Variants in NRG1 observed in about 807,000 individuals in gnomAD.
NRG1 encodes neuregulin 1.
A neutral mutation model predicts 63.8 loss-of-function variants in NRG1; 18 were observed. The observed-to-expected ratio is 0.28, with a 90% confidence interval of 0.19 to 0.42. The LOEUF (loss-of-function observed/expected upper bound fraction) is 0.42, where lower values mean the gene tolerates loss of function less well. NRG1 is among the 10% of genes least tolerant of loss of function. The probability of loss-of-function intolerance (pLI) is 1.00; values close to 1 mark genes in which losing one functional copy is unlikely to be tolerated. For missense variants in NRG1, 762 were observed against 814.7 expected (o/e 0.94, Z 0.79); for synonymous variants, 302 against 301.3 (o/e 1.00, Z -0.02).
chr8:31,660,277 G>C (rs945435879), intron 1 of NRG1, among the ~76,000 whole-genome samples: 1 of 143,810 alleles, frequency 7.0e-6, no homozygotes, highest in African/African-American at 2.5e-5. Context: ...TTATGATACA[G>C]CTGGGGAGAA....
At chr8:32,720,812 G>GA (rs938914402) in intron 5 of NRG1, among the ~76,000 whole-genome samples, 8 of 151,600 alleles carry the variant, frequency 5.3e-5, no homozygotes, top group African/African-American at 1.5e-4. Context: ...GAAAAAAACA[G>GA]AAAAAAAACA....
chr8:32,606,046 A>G (rs1345806120), intron 3 of NRG1, among the ~76,000 whole-genome samples: 2 of 151,220 alleles, frequency 1.3e-5, no homozygotes, highest in Non-Finnish European at 2.9e-5. Flanking sequence ...TATACAGGAT[A>G]TATATACACA....
At chr8:32,055,683 T>A in intron 1 of NRG1, among the ~76,000 whole-genome samples, 1 of 151,692 alleles carries the variant, frequency 6.6e-6, no homozygotes, top group East Asian at 2.0e-4. Flanking sequence ...TTTTTTTTTT[T>A]TTTGCTTTCA....
chr8:32,481,098 C>CTT (rs1447815681), intron 1 of NRG1, among the ~76,000 whole-genome samples: 23 of 152,150 alleles, frequency 1.5e-4, no homozygotes, highest in Non-Finnish European at 1.5e-5. Context: ...AATCCAAGCA[C>CTT]TTTGGGAGGC....
intron 1 of NRG1, among the ~76,000 whole-genome samples, chr8:32,417,490 C>T (rs1009453748): frequency 1.3e-5 from 2 of 152,074 alleles, no homozygotes; most frequent in African/African-American, 2.4e-5. Flanking sequence ...AGAAGTGAGA[C>T]TTGGGAGACC....
At chr8:31,909,401 C>A (rs938750041) in intron 1 of NRG1, among the ~76,000 whole-genome samples, 1 of 151,966 alleles carries the variant, frequency 6.6e-6, no homozygotes, top group Non-Finnish European at 1.5e-5. Flanking sequence ...TGACCAGACC[C>A]CTGGCTTAAT....
chr8:32,170,210 T>A (rs74442061), intron 1 of NRG1, among the ~76,000 whole-genome samples: 1,859 of 152,260 alleles, frequency 0.012, 46 homozygotes, highest in African/African-American at 0.042. Flanking sequence ...TCTGTGATAC[T>A]CTGTTACACA....
At chr8:32,175,469 A>T (rs1259324644) in intron 1 of NRG1, among the ~76,000 whole-genome samples, 1 of 152,186 alleles carries the variant, frequency 6.6e-6, no homozygotes, top group African/African-American at 2.4e-5. Context: ...ATAGTGTTGG[A>T]AGTTTTGGCC....
At chr8:32,230,541 A>T (rs1376181610) in intron 1 of NRG1, among the ~76,000 whole-genome samples, 1 of 152,162 alleles carries the variant, frequency 6.6e-6, no homozygotes, top group Non-Finnish European at 1.5e-5. Flanking sequence ...GTGGAAAGTG[A>T]CTAAAACATT....
At chr8:32,221,752 C>T (rs755349959) in intron 1 of NRG1, among the ~76,000 whole-genome samples, 3 of 151,850 alleles carry the variant, frequency 2.0e-5, no homozygotes, top group Admixed American at 6.6e-5. Flanking sequence ...GACTAAATGT[C>T]GAGCCCGTGA....
At chr8:32,018,076 A>G (rs992433683) in intron 1 of NRG1, among the ~76,000 whole-genome samples, 2 of 152,164 alleles carry the variant, frequency 1.3e-5, no homozygotes, top group Non-Finnish European at 2.9e-5. Flanking sequence ...AACCCTAAGA[A>G]TTTTAGGATT....
chr8:31,924,815 T>C (rs533227778), intron 1 of NRG1, among the ~76,000 whole-genome samples: 7 of 152,098 alleles, frequency 4.6e-5, no homozygotes, highest in Admixed American at 2.0e-4. Context: ...TATTATTTAA[T>C]TCAAAATATA....
intron 1 of NRG1, among the ~76,000 whole-genome samples, chr8:32,008,249 C>T (rs954093883): frequency 1.3e-5 from 2 of 151,842 alleles, no homozygotes; most frequent in African/African-American, 4.8e-5. Flanking sequence ...GATTGCATGA[C>T]TTTATTGAAG....
chr8:32,059,381 G>A (rs1230835222), intron 1 of NRG1, among the ~76,000 whole-genome samples: 1 of 151,792 alleles, frequency 6.6e-6, no homozygotes, highest in African/African-American at 2.4e-5. Context: ...TCCTAAGTTT[G>A]GTGTTATTGG....
At chr8:32,298,714 CAA>C (rs760147959) in intron 1 of NRG1, among the ~76,000 whole-genome samples, 1 of 90,956 alleles carries the variant, frequency 1.1e-5, no homozygotes, top group Non-Finnish European at 2.2e-5. Context: ...AACTCAGTCT[CAA>C]AAAAAAAAAA....
chr8:32,241,258 C>T (rs557318673), intron 1 of NRG1, among the ~76,000 whole-genome samples: 2 of 152,294 alleles, frequency 1.3e-5, no homozygotes, highest in South Asian at 4.1e-4. Context: ...CATAGAACAT[C>T]TGAGAGTCAC....
chr8:32,742,787 C>T lies in NRG1; in HGVS notation c.691+54C>T, dbSNP rs1826661420. 2 of 1,613,218 alleles carry T rather than the reference C, an allele frequency of 1.2e-6. No homozygotes were observed. Among genetic ancestry groups the T allele is most frequent in the Middle Eastern group, 1.6e-4 (1 of 6,074 alleles). On this transcript the variant is annotated intron_variant, in intron 7 of 11. Transcript: ENST00000356819. The surrounding 1 kb of genome is among the most constrained non-coding windows in gnomAD (Gnocchi z 4.2). Reference sequence around the variant, plus strand: ...TGAATAGGAGCATGCTCAGTTGGTGCTGCTTTCTTGTTGCTGCATCTCCCC... The same window carrying T: ...TGAATAGGAGCATGCTCAGTTGGTGTTGCTTTCTTGTTGCTGCATCTCCCC...
chr8:32,421,786 A>T (rs1766110123), intron 1 of NRG1, among the ~76,000 whole-genome samples: 1 of 152,204 alleles, frequency 6.6e-6, no homozygotes, highest in African/African-American at 2.4e-5. Flanking sequence ...GCCAGCAGAG[A>T]GGAAAAACAC....
chr8:31,809,101 G>A (rs1183733993), intron 1 of NRG1, among the ~76,000 whole-genome samples: 1 of 151,778 alleles, frequency 6.6e-6, no homozygotes, highest in Non-Finnish European at 1.5e-5. Context: ...TCAGCACATG[G>A]CCTTAGAAAT....
Sources: allele counts gnomAD v4.1 joint callset (sites outside exome capture counted in the v4.1 genomes callset), GRCh38; gene constraint gnomAD v4.1.1; non-coding constraint Gnocchi (gnomAD v3.1); transcripts MANE v1.5; gene names NCBI Gene and HGNC (gene_info 2026-07-23, HGNC 2026-07-21).